The following PANK1 variants were observed in gnomAD, a reference collection of about 807,000 sequenced individuals.
The protein encoded by PANK1 is pantothenic acid kinase 1.
In PANK1, 18 loss-of-function variants were observed where a neutral mutation model predicts 40.1. The ratio of observed to expected loss-of-function variants is 0.45; its 90% CI spans 0.31 to 0.67. PANK1 has a LOEUF of 0.67. PANK1 is among the 30% of genes least tolerant of loss of function. PANK1 has a pLI of 0.06. For missense variants in PANK1, 457 were observed against 599.6 expected (o/e 0.76, Z 2.48); for synonymous variants, 242 against 237.7 (o/e 1.02, Z -0.17).
rs758911622 is a variant in PANK1 at position 89,612,015 on chromosome 10, G to A, written c.326C>T (p.Thr109Met). The A allele has an allele frequency of 7.4e-6, 12 of 1,613,650 alleles. No individual in the cohort carries two copies. Among genetic ancestry groups the A allele is most frequent in the Admixed American group, 5.0e-5 (3 of 59,998 alleles). The change falls in exon 2 of 7, where the codon ACG becomes ATG. Residue 109 changes from threonine to methionine, a missense_variant. By Grantham distance (81) the Thr-to-Met change is moderately conservative. Transcript: ENST00000307534. ...CTCGAAATACACCAATTTAACCAGC[G>A]TTCCACCGATGTCCATGCCAAACCA... Reference protein sequence around the residue: ...FPWFGMDIGGTLVKLVYFEPK... With the variant: ...FPWFGMDIGGMLVKLVYFEPK...
intron 1 of PANK1, among the ~76,000 whole-genome samples, chr10:89,642,261 T>G (rs754902347): frequency 3.3e-5 from 5 of 152,366 alleles, no homozygotes; most frequent in Non-Finnish European, 7.3e-5. Context: ...TCCATCATTT[T>G]CAAACATGAA....
Position 89,585,913 on chromosome 10 carries a change from A to G in PANK1, c.1327-1448T>C, listed in dbSNP as rs567437358. Reference sequence around the variant, plus strand: ...GAATGTAGAGAATTTTCTGAGGAACACATTATGAGGGTTACAAGAATACTC... The same window carrying G: ...GAATGTAGAGAATTTTCTGAGGAACGCATTATGAGGGTTACAAGAATACTC... On this transcript the variant is annotated intron_variant, in intron 6 of 6. Coordinates refer to ENST00000307534, the MANE Select transcript of PANK1 (RefSeq NM_148977.3). Among the ~76,000 whole-genome samples, 14 of 152,342 alleles carry G rather than the reference A, an allele frequency of 9.2e-5. No individual in the cohort carries two copies. In the South Asian group the frequency reaches 2.5e-3, roughly 27 times the overall value.
chr10:89,614,719 C>T (rs1409784319), intron 1 of PANK1, among the ~76,000 whole-genome samples: 2 of 151,970 alleles, frequency 1.3e-5, no homozygotes, highest in Non-Finnish European at 2.9e-5. Flanking sequence ...ATCACATGAT[C>T]CAGGGAGGCA....
chr10:89,592,913 T>C (rs1036880828), intron 5 of PANK1: 10 of 525,598 alleles, frequency 1.9e-5, no homozygotes, highest in African/African-American at 3.8e-5. Context: ...AGTGGACACA[T>C]GGCAATAATG....
At chr10:89,641,018 A>G (rs982502817) in intron 1 of PANK1, among the ~76,000 whole-genome samples, 2 of 152,230 alleles carry the variant, frequency 1.3e-5, no homozygotes, top group African/African-American at 4.8e-5. Flanking sequence ...ATCAATTCAA[A>G]TGTGTATTGT....
At chr10:89,605,077 AAG>A (rs1290769503) in intron 2 of PANK1, among the ~76,000 whole-genome samples, 1 of 152,002 alleles carries the variant, frequency 6.6e-6, no homozygotes, top group African/African-American at 2.4e-5. Flanking sequence ...AAAAAAAAAA[AAG>A]GACATACCTG....
chr10:89,640,261 C>T (rs1841933506), intron 1 of PANK1, among the ~76,000 whole-genome samples: 1 of 152,132 alleles, frequency 6.6e-6, no homozygotes, highest in Admixed American at 6.5e-5. Flanking sequence ...TGACTTTTTC[C>T]ACCTTCTTTC....
At chr10:89,603,773 C>T (rs1844856757) in intron 2 of PANK1, among the ~76,000 whole-genome samples, 1 of 152,116 alleles carries the variant, frequency 6.6e-6, no homozygotes, top group South Asian at 2.1e-4. Context: ...GCTGCTGGGC[C>T]CCAACCCCAG....
At chr10:89,632,412 C>T (rs1201982237) in intron 1 of PANK1, among the ~76,000 whole-genome samples, 1 of 152,078 alleles carries the variant, frequency 6.6e-6, no homozygotes, top group Non-Finnish European at 1.5e-5. Flanking sequence ...CAACTCCACC[C>T]TGACATTTCA....
Position 89,599,250 on chromosome 10 carries a change from A to G in PANK1, c.899+2T>C. On this transcript the variant is annotated splice_donor_variant, in intron 3 of 6. Coordinates refer to ENST00000307534, the MANE Select transcript of PANK1 (RefSeq NM_148977.3). LOFTEE classifies it high-confidence loss of function. ...TTCAAGCACAAGCAGAAACATGTTT[A>G]CCTGGTCCCTGTAACTCTTTTATAG... 1 of 1,612,874 alleles carries G rather than the reference A, an allele frequency of 6.2e-7. No homozygotes were observed.
chr10:89,636,034 C>T (rs745736389), intron 1 of PANK1, among the ~76,000 whole-genome samples: 15 of 152,230 alleles, frequency 9.9e-5, no homozygotes, highest in Admixed American at 1.3e-4. Context: ...ACCCATGCAG[C>T]AGCTCTCACA....
chr10:89,595,508 T>C (rs569313381), intron 3 of PANK1, among the ~76,000 whole-genome samples: 8 of 150,408 alleles, frequency 5.3e-5, no homozygotes, highest in Admixed American at 4.6e-4. Flanking sequence ...ATTCTTAAAT[T>C]GTCATTTGTA....
intron 1 of PANK1, among the ~76,000 whole-genome samples, chr10:89,619,959 AG>A (rs1392928486): frequency 1.3e-5 from 2 of 152,238 alleles, no homozygotes; most frequent in African/African-American, 4.8e-5. Flanking sequence ...TCCTGAAATT[AG>A]TACTTTTATA....
chr10:89,589,540 C>T (rs1432265554), intron 5 of PANK1, among the ~76,000 whole-genome samples: 2 of 152,056 alleles, frequency 1.3e-5, no homozygotes, highest in African/African-American at 2.4e-5. Context: ...AGAGACTGCT[C>T]ACCACTCACT....
chr10:89,634,350 A>G (rs10727), intron 1 of PANK1, among the ~76,000 whole-genome samples: 122,964 of 152,144 alleles, frequency 0.81, 50,267 homozygotes, highest in South Asian at 0.93. Context: ...ACAATTCAGA[A>G]GTTCATACAG....
intron 6 of PANK1, among the ~76,000 whole-genome samples, chr10:89,584,799 G>A (rs975326665): frequency 6.6e-6 from 1 of 152,134 alleles, no homozygotes; most frequent in Non-Finnish European, 1.5e-5. Context: ...AGGTAATAAA[G>A]TAAATTACCC....
At chr10:89,587,803 A>T (rs1156278989) in intron 6 of PANK1, among the ~76,000 whole-genome samples, 1 of 152,242 alleles carries the variant, frequency 6.6e-6, no homozygotes, top group African/African-American at 2.4e-5. Flanking sequence ...TAAAAATGTT[A>T]TTATAAATTG....
intron 1 of PANK1, 123 bp downstream of exon 1, chr10:89,644,474 AGTC>A: frequency 1.3e-6 from 1 of 775,672 alleles, no homozygotes; most frequent in East Asian, 3.0e-5. Context: ...TACTCTGTGC[AGTC>A]CCTCGACCGC....
At chr10:89,604,958 A>G (rs758391003) in intron 2 of PANK1, among the ~76,000 whole-genome samples, 3 of 151,562 alleles carry the variant, frequency 2.0e-5, no homozygotes, top group Non-Finnish European at 2.9e-5. Flanking sequence ...TCACCATGTT[A>G]GCCAGGATGG....
Sources: allele counts gnomAD v4.1 joint callset (sites outside exome capture counted in the v4.1 genomes callset), GRCh38; gene constraint gnomAD v4.1.1; transcripts MANE v1.5; gene names NCBI Gene and HGNC (gene_info 2026-07-23, HGNC 2026-07-21).